Variants in HTR1F observed in about 807,000 individuals in gnomAD.
The protein encoded by HTR1F is 5-hydroxytryptamine receptor 1F.
HTR1F carries 17 observed loss-of-function variants against 24.0 expected under a neutral mutation model. That is an observed-to-expected ratio of 0.71 (90% CI 0.48 to 1.06). The LOEUF (loss-of-function observed/expected upper bound fraction) is 1.06, where lower values mean the gene tolerates loss of function less well. HTR1F is among the 50% of genes least tolerant of loss of function. The pLI is 0.00. For synonymous variants in HTR1F, 186 were observed against 156.8 expected (o/e 1.19, Z -1.39); for missense variants, 391 against 427.8 (o/e 0.91, Z 0.76).
At chr3:87,962,555 T>C (rs887844200) in intron 2 of HTR1F, among the ~76,000 whole-genome samples, 5 of 152,100 alleles carry the variant, frequency 3.3e-5, no homozygotes, top group Non-Finnish European at 1.5e-5. Flanking sequence ...GTTAAATGTA[T>C]GCCAGTGTTA....
At chr3:87,967,773 C>G (rs1705199443) in intron 2 of HTR1F, among the ~76,000 whole-genome samples, 1 of 152,180 alleles carries the variant, frequency 6.6e-6, no homozygotes, top group Admixed American at 6.5e-5. Context: ...AACTGTAAGT[C>G]TATTAAACCT....
At chr3:87,970,884 A>G (rs1705272239) in intron 2 of HTR1F, among the ~76,000 whole-genome samples, 1 of 152,230 alleles carries the variant, frequency 6.6e-6, no homozygotes, top group Non-Finnish European at 1.5e-5. Flanking sequence ...TTCCAAAGAA[A>G]AATTTCACAG....
intron 2 of HTR1F, among the ~76,000 whole-genome samples, chr3:87,908,521 G>T (rs1430903017): frequency 2.0e-5 from 3 of 151,950 alleles, no homozygotes; most frequent in Non-Finnish European, 4.4e-5. Flanking sequence ...TAGTTTCCAA[G>T]AACTATCTGG....
chr3:87,889,279 T>G (rs1706026968), intron 2 of HTR1F, among the ~76,000 whole-genome samples: 1 of 152,190 alleles, frequency 6.6e-6, no homozygotes, highest in Non-Finnish European at 1.5e-5. Flanking sequence ...GCCTCATGTA[T>G]TCCTTTATAG....
At chr3:87,803,461 T>A (rs546925573) in intron 1 of HTR1F, among the ~76,000 whole-genome samples, 2 of 152,222 alleles carry the variant, frequency 1.3e-5, no homozygotes, top group South Asian at 2.1e-4. Context: ...TCTATCCAGA[T>A]TGATGCACTT....
intron 2 of HTR1F, among the ~76,000 whole-genome samples, chr3:87,878,074 G>C (rs1020227026): frequency 3.3e-5 from 5 of 152,184 alleles, no homozygotes; most frequent in African/African-American, 1.2e-4. Context: ...GGGATCTTGA[G>C]AATGGATTAA....
chr3:87,941,709 G>A (rs572103387), intron 2 of HTR1F, among the ~76,000 whole-genome samples: 1 of 152,254 alleles, frequency 6.6e-6, no homozygotes, highest in East Asian at 1.9e-4. Context: ...GAGTCAGGAT[G>A]TACAGGGATG....
intron 2 of HTR1F, among the ~76,000 whole-genome samples, chr3:87,957,409 TTC>T (rs1704967539): frequency 6.6e-6 from 1 of 151,352 alleles, no homozygotes; most frequent in African/African-American, 2.4e-5. Flanking sequence ...GTGGGTCTTT[TTC>T]TGTTTTTGTT....
intron 2 of HTR1F, among the ~76,000 whole-genome samples, chr3:87,839,131 C>G (rs1704746836): frequency 6.6e-6 from 1 of 150,954 alleles, no homozygotes; most frequent in African/African-American, 2.4e-5. Flanking sequence ...TCAAAAAAAT[C>G]ATTGCCTAGA....
At chr3:87,847,513 G>C (rs1367650989) in intron 2 of HTR1F, among the ~76,000 whole-genome samples, 8 of 151,736 alleles carry the variant, frequency 5.3e-5, no homozygotes, top group Admixed American at 2.6e-4. Context: ...ATTAACTTGG[G>C]TGTTTATTAT....
chr3:87,838,667 A>G (rs1704733167), intron 2 of HTR1F, among the ~76,000 whole-genome samples: 1 of 152,128 alleles, frequency 6.6e-6, no homozygotes, highest in Admixed American at 6.6e-5. Context: ...ATGGACTGAA[A>G]TGAAAACCGA....
intron 2 of HTR1F, among the ~76,000 whole-genome samples, chr3:87,860,710 A>C (rs17025080): frequency 6.6e-6 from 1 of 152,174 alleles, no homozygotes; most frequent in African/African-American, 2.4e-5. Flanking sequence ...GTCATAGTTC[A>C]GCATTCATTT....
At chr3:87,806,895 C>T (rs1018692860) in intron 1 of HTR1F, among the ~76,000 whole-genome samples, 3 of 151,788 alleles carry the variant, frequency 2.0e-5, no homozygotes, top group Admixed American at 6.6e-5. Flanking sequence ...AAGAGACTCC[C>T]CAATGTATGT....
intron 2 of HTR1F, among the ~76,000 whole-genome samples, chr3:87,987,612 G>A (rs1396293819): frequency 9.2e-5 from 6 of 65,562 alleles, no homozygotes; most frequent in African/African-American, 2.1e-4. Context: ...ATAAAAATAC[G>A]GAAATATATA....
At chr3:87,963,909 T>C (rs1705113408) in intron 2 of HTR1F, among the ~76,000 whole-genome samples, 1 of 152,144 alleles carries the variant, frequency 6.6e-6, no homozygotes, top group African/African-American at 2.4e-5. Flanking sequence ...GAGCACCAGG[T>C]TCATACTTGG....
chr3:87,795,909 A>G (rs896493981), intron 1 of HTR1F, among the ~76,000 whole-genome samples: 15 of 152,216 alleles, frequency 9.9e-5, no homozygotes, highest in Non-Finnish European at 2.9e-5. Flanking sequence ...TTAATTTCAT[A>G]ATCTTTCCAA....
chr3:87,807,509 TAA>T (rs1327169740), intron 1 of HTR1F, among the ~76,000 whole-genome samples: 4 of 151,984 alleles, frequency 2.6e-5, no homozygotes, highest in African/African-American at 9.7e-5. Flanking sequence ...TTATCAGGTC[TAA>T]GAGTTTTTTG....
At chr3:87,848,792 A>T (rs1298432001) in intron 2 of HTR1F, among the ~76,000 whole-genome samples, 1 of 151,654 alleles carries the variant, frequency 6.6e-6, no homozygotes, top group African/African-American at 2.4e-5. Flanking sequence ...CAAAAATCAC[A>T]AGCATTCTTA....
In HTR1F at chr3:87,993,106, G is replaced by T. The variant is rs377325644; in HGVS notation, c.*1256G>T. The stretch of plus-strand genomic sequence containing the variant: ...ACCAGCAAGGTCATAGACTACCTTT[G>T]GGAAGACCTATCATCAACCAAGATC... On this transcript the variant is annotated 3_prime_UTR_variant, in exon 3 of 3. Coordinates refer to ENST00000319595, the MANE Select transcript of HTR1F (RefSeq NM_001322209.2). The T allele has an allele frequency of 6.0e-6, 1 of 166,864 alleles. No homozygotes were observed. Among genetic ancestry groups the T allele is most frequent in the African/African-American group, 2.4e-5 (1 of 41,394 alleles). 10.3% of individuals were successfully genotyped at this position (166,864 alleles called of 1,614,324 possible).
Sources: gnomAD v4.1 joint callset for allele counts (sites outside exome capture counted in the v4.1 genomes callset) on GRCh38, gnomAD v4.1.1 for gene constraint, MANE v1.5 for transcripts, NCBI Gene and HGNC (gene_info 2026-07-23, HGNC 2026-07-21) for gene names.